Variants in VRK2 observed in about 807,000 individuals in gnomAD.
VRK2 encodes the protein serine/threonine-protein kinase VRK2.
A neutral mutation model predicts 57.6 loss-of-function variants in VRK2; 60 were observed. The observed-to-expected ratio is 1.04, with a 90% CI of 0.85 to 1.29. VRK2 has a LOEUF of 1.29. VRK2 is among the 50% of genes most tolerant of loss of function. The probability of loss-of-function intolerance (pLI) is 0.00; values close to 1 mark genes in which losing one functional copy is unlikely to be tolerated. For missense variants in VRK2, 705 were observed against 588.1 expected, an observed-to-expected ratio of 1.20 and a Z score of -2.06; for synonymous variants, 231 against 199.2, an observed-to-expected ratio of 1.16 and a Z score of -1.35.
rs371847826 is a variant in VRK2, at chr2:58,054,431, T to G, written c.136+5464T>G. Among the ~76,000 whole-genome samples, 48 of 152,090 alleles carry G rather than the reference T, an allele frequency of 3.2e-4. No homozygotes were observed. In the South Asian group the frequency reaches 9.3e-3, roughly 30 times the overall value. ...TTGAAACATATTGCTGTGGGGAAATTTCTTCTTCCTGAAATGAGCTCACCT... is the reference window on the plus strand; with the variant it reads ...TTGAAACATATTGCTGTGGGGAAATGTCTTCTTCCTGAAATGAGCTCACCT... On this transcript the variant is annotated intron_variant, in intron 2 of 12. Transcript: ENST00000340157.
intron 1 of VRK2, chr2:58,048,610 A>T: frequency 6.8e-7 from 1 of 1,474,154 alleles, no homozygotes; most frequent in East Asian, 2.9e-5. Flanking sequence ...CTGTTTTTTT[A>T]AAATATCTAT....
chr2:58,052,695 T>G (rs1253084775), intron 2 of VRK2, among the ~76,000 whole-genome samples: 1 of 151,880 alleles, frequency 6.6e-6, no homozygotes, highest in Non-Finnish European at 1.5e-5. Flanking sequence ...CTACTATGAA[T>G]TTTGGTGGAT....
chr2:58,054,204 AT>A (rs954214329), intron 2 of VRK2, among the ~76,000 whole-genome samples: 1 of 151,772 alleles, frequency 6.6e-6, no homozygotes, highest in African/African-American at 2.4e-5. Context: ...TGGCTTTTTC[AT>A]TTTTTTAAAT....
chr2:57,998,280 TA>T (rs1296211706), intron 1 of VRK2, among the ~76,000 whole-genome samples: 2 of 152,248 alleles, frequency 1.3e-5, no homozygotes, highest in Non-Finnish European at 2.9e-5. Flanking sequence ...TAGCACTGTT[TA>T]AAAACTATGC....
chr2:58,062,539 T>G (rs1430150627), intron 2 of VRK2, among the ~76,000 whole-genome samples: 1 of 152,058 alleles, frequency 6.6e-6, no homozygotes, highest in Non-Finnish European at 1.5e-5. Flanking sequence ...AAGGAAAAGT[T>G]CTTAAAAGAA....
At chr2:57,932,953 G>A (rs1670778267) in intron 1 of VRK2, among the ~76,000 whole-genome samples, 1 of 151,950 alleles carries the variant, frequency 6.6e-6, no homozygotes, top group Non-Finnish European at 1.5e-5. Context: ...GGAGCATGTT[G>A]TTTAATTTCC....
intron 2 of VRK2, among the ~76,000 whole-genome samples, chr2:58,060,337 A>C (rs539152874): frequency 6.6e-6 from 1 of 152,054 alleles, no homozygotes; most frequent in Non-Finnish European, 1.5e-5. Flanking sequence ...TAGATTGACT[A>C]TAATAAAGAA....
chr2:57,908,829 T>C (rs1178498840), intron 1 of VRK2, among the ~76,000 whole-genome samples: 1 of 152,146 alleles, frequency 6.6e-6, no homozygotes, highest in East Asian at 1.9e-4. Context: ...GTAGACCTCA[T>C]TAGTGACCTA....
intron 1 of VRK2, chr2:58,048,433 T>C (rs1675199261): frequency 2.9e-6 from 2 of 690,320 alleles, no homozygotes; most frequent in Admixed American, 3.5e-5. Context: ...TTCTCACTTT[T>C]AACATTTTAC....
intron 1 of VRK2, among the ~76,000 whole-genome samples, chr2:57,975,829 T>C (rs916277853): frequency 5.3e-5 from 8 of 151,980 alleles, no homozygotes; most frequent in African/African-American, 1.7e-4. Flanking sequence ...GTAAGTTGCA[T>C]GTCACTGGGG....
chr2:58,023,146 T>G (rs1673815642), intron 1 of VRK2, among the ~76,000 whole-genome samples: 1 of 152,182 alleles, frequency 6.6e-6, no homozygotes, highest in Admixed American at 6.5e-5. Context: ...TATCCCTTCC[T>G]CACATACTCT....
intron 7 of VRK2, among the ~76,000 whole-genome samples, chr2:58,109,851 CT>C (rs1460883670): frequency 1.3e-5 from 2 of 152,126 alleles, no homozygotes; most frequent in Non-Finnish European, 1.5e-5. Context: ...AGGGTTCTTT[CT>C]TTCTGTATGT....
chr2:58,012,943 A>G (rs191666152), intron 1 of VRK2, among the ~76,000 whole-genome samples: 1 of 152,352 alleles, frequency 6.6e-6, no homozygotes, highest in East Asian at 1.9e-4. Flanking sequence ...GAGTGTTGAA[A>G]GCTTGACATG....
intron 1 of VRK2, among the ~76,000 whole-genome samples, chr2:57,930,079 T>C (rs2103928996): frequency 6.6e-6 from 1 of 152,202 alleles, no homozygotes; most frequent in South Asian, 2.1e-4. Context: ...GGTGTCTCAC[T>C]AAGTTGTGGG....
chr2:58,082,915 A>C (rs1671096569), intron 2 of VRK2, among the ~76,000 whole-genome samples: 1 of 151,816 alleles, frequency 6.6e-6, no homozygotes, highest in African/African-American at 2.4e-5. Context: ...TGTAATGTAC[A>C]ATTTATATAT....
At chr2:57,947,469 C>T (rs906783262) in intron 1 of VRK2, among the ~76,000 whole-genome samples, 2 of 152,200 alleles carry the variant, frequency 1.3e-5, no homozygotes, top group East Asian at 3.9e-4. Flanking sequence ...GGGTAATTTC[C>T]TGCCCTGGTC....
At chr2:58,158,289 T>C (rs953366378) in intron 12 of VRK2, among the ~76,000 whole-genome samples, 10 of 152,340 alleles carry the variant, frequency 6.6e-5, no homozygotes, top group African/African-American at 2.4e-4. Context: ...ACTGCATTAA[T>C]GTGACTTCGT....
chr2:58,024,883 A>G (rs1427249863), intron 1 of VRK2, among the ~76,000 whole-genome samples: 1 of 152,226 alleles, frequency 6.6e-6, no homozygotes, highest in African/African-American at 2.4e-5. Flanking sequence ...AAACATTATC[A>G]AAAGAAATTC....
Position 58,135,233 on chromosome 2 carries a change from G to A in VRK2, c.856+34G>A, listed in dbSNP as rs764758202. ...AATAATAACTTCAACCTTCTCTTAC[G>A]ATTTACAGGTTGCCACATTTGTCGT... is the stretch of plus-strand genomic sequence containing the variant. On this transcript the variant is annotated intron_variant, in intron 10 of 12. Transcript: ENST00000340157. 5 of 1,611,612 alleles carry A rather than the reference G, an allele frequency of 3.1e-6. No homozygotes were observed. The East Asian group carries it at 6.7e-5, about 22-fold the overall frequency.
Sources: allele counts gnomAD v4.1 joint callset (sites outside exome capture counted in the v4.1 genomes callset), GRCh38; gene constraint gnomAD v4.1.1; transcripts MANE v1.5; gene names NCBI Gene and HGNC (gene_info 2026-07-23, HGNC 2026-07-21).